FBXW10: variants seen among roughly 807,000 people sequenced by gnomAD.
FBXW10 encodes the protein F-box and WD repeat domain containing 10.
Under a neutral mutation model 113.1 loss-of-function variants are expected in FBXW10, and 68 were observed. The observed-to-expected ratio is 0.60, with a 90% CI of 0.49 to 0.74. The LOEUF (loss-of-function observed/expected upper bound fraction) is 0.74. Among genes scored for constraint, FBXW10 ranks in the 30% least tolerant of loss-of-function variants. FBXW10 has a pLI of 0.00. For missense variants in FBXW10, 753 were observed against 1,284.5 expected (o/e 0.59, Z 6.32); for synonymous variants, 289 against 481.6 (o/e 0.60, Z 5.24).
chr17:18,751,108 C>T (rs1280579245), intron 5 of FBXW10, 55 bp downstream of exon 5: 2 of 1,608,800 alleles, frequency 1.2e-6, no homozygotes, highest in Non-Finnish European at 1.7e-6. Context: ...TTCTAATTGT[C>T]ATTGAAGGCT....
At chr17:18,760,641 T>G (rs982482188) in intron 7 of FBXW10, among the ~76,000 whole-genome samples, 2 of 152,180 alleles carry the variant, frequency 1.3e-5, no homozygotes, top group African/African-American at 4.8e-5. Context: ...CCGTCTCTAC[T>G]AAAAATACAA....
intron 7 of FBXW10, among the ~76,000 whole-genome samples, chr17:18,759,241 A>G (rs916781063): frequency 1.3e-5 from 2 of 152,154 alleles, no homozygotes; most frequent in African/African-American, 4.8e-5. Context: ...AGGCCAAGAA[A>G]TAAGATACCA....
intron 7 of FBXW10, among the ~76,000 whole-genome samples, chr17:18,761,040 ACTACTATATAAC>A (rs1313190996): frequency 1.9e-4 from 29 of 152,218 alleles, no homozygotes; most frequent in Non-Finnish European, 3.2e-4. Flanking sequence ...CCCCACAGCA[ACTACTATATAAC>A]CTGCCACTTC....
intron 6 of FBXW10, among the ~76,000 whole-genome samples, chr17:18,756,805 A>C (rs1207802189): frequency 6.6e-6 from 1 of 152,198 alleles, no homozygotes; most frequent in Non-Finnish European, 1.5e-5. Flanking sequence ...TTCACTTTAT[A>C]TTCACAAGGT....
chr17:18,762,714 A>G (rs1384890120), intron 7 of FBXW10, among the ~76,000 whole-genome samples: 1 of 152,196 alleles, frequency 6.6e-6, no homozygotes, highest in Non-Finnish European at 1.5e-5. Context: ...CATGGCAGGC[A>G]GTAGCAGTGA....
At chr17:18,753,376 T>A (rs2035205396) in intron 5 of FBXW10, among the ~76,000 whole-genome samples, 1 of 151,938 alleles carries the variant, frequency 6.6e-6, no homozygotes, top group Non-Finnish European at 1.5e-5. Flanking sequence ...CCCTCCCAGA[T>A]AAGCACAACA....
intron 9 of FBXW10, among the ~76,000 whole-genome samples, chr17:18,768,025 T>TCC (rs879595052): frequency 0.087 from 9,468 of 109,402 alleles, 353 homozygotes; most frequent in African/African-American, 0.12. Flanking sequence ...CTTCCTTCCT[T>TCC]TCTTCCTTCC....
intron 8 of FBXW10, among the ~76,000 whole-genome samples, chr17:18,765,612 T>C (rs2035480686): frequency 6.6e-6 from 1 of 152,206 alleles, no homozygotes; most frequent in Admixed American, 6.5e-5. Context: ...CTGGTTGTTG[T>C]TATATTTTGT....
chr17:18,759,432 AATC>A (rs2035336037), intron 7 of FBXW10, among the ~76,000 whole-genome samples: 1 of 151,304 alleles, frequency 6.6e-6, no homozygotes, highest in South Asian at 2.1e-4. Context: ...ACATAAAAAG[AATC>A]ATATTTTAAA....
chr17:18,756,862 A>G (rs1349090255), intron 6 of FBXW10, among the ~76,000 whole-genome samples: 1 of 152,164 alleles, frequency 6.6e-6, no homozygotes, highest in Non-Finnish European at 1.5e-5. Context: ...AATCTTATTA[A>G]CAAATTGCAT....
intron 12 of FBXW10, 95 bp downstream of exon 12, chr17:18,772,778 T>G: frequency 8.7e-7 from 1 of 1,149,584 alleles, no homozygotes; most frequent in South Asian, 1.5e-5. Flanking sequence ...CTGGTTCGTT[T>G]GTGGAATATT....
chr17:18,755,460 C>G (rs1044525928), intron 5 of FBXW10, among the ~76,000 whole-genome samples: 1 of 151,770 alleles, frequency 6.6e-6, no homozygotes, highest in Non-Finnish European at 1.5e-5. Flanking sequence ...GAGGCTGAGG[C>G]AGGAGAATCA....
In FBXW10 at chr17:18,772,560, T is replaced by G. The variant is rs756931177; in HGVS notation, c.2155T>G (p.Cys719Gly). The stretch of plus-strand genomic sequence containing the variant: ...TAGTCTCATGGAAATTCTCTCTAAG[T>G]GTAATATTCAGGTTCACAGCCCAAG... ...ENSLMEILSK[C>G]NIQVHSPRES... is the part of the protein sequence containing the mutation. Residue 719 changes from cysteine (C) to glycine (G), a missense_variant, in exon 12 of 14, where the codon TGT (cysteine) becomes GGT (glycine). Transcript: ENST00000395665. 1 of 1,613,974 alleles carries G rather than the reference T, an allele frequency of 6.2e-7. No homozygotes were observed. Among genetic ancestry groups the G allele is most frequent in the Non-Finnish European group, 8.5e-7 (1 of 1,179,862 alleles).
Position 18,744,283 on chromosome 17 carries a change from T to A in FBXW10, c.39T>A (p.Tyr13Ter). The change falls in exon 1 of 14, where the codon TAT (tyrosine) becomes TAA (stop). Residue 13 changes from tyrosine (Y) to a stop codon, truncating the protein, a stop_gained. Transcript: ENST00000395665. LOFTEE classifies it high-confidence loss of function. The part of the protein sequence containing the change: ...NLESRLKNAP[Y>*]FRCEKGTDSI... ...AATCAAGGCTCAAGAATGCCCCCTA[T>A]TTTCGTTGTGAGAAGGGAACCGATT... 1 of 1,611,672 alleles carries A rather than the reference T, an allele frequency of 6.2e-7. No individual in the cohort carries two copies. Among genetic ancestry groups the A allele is most frequent in the East Asian group, 2.2e-5 (1 of 44,858 alleles).
rs12945049 is a variant in FBXW10, at chr17:18,770,796, A to T, written c.2006+711A>T. Among the ~76,000 whole-genome samples, 5 of 151,934 alleles carry T rather than the reference A, an allele frequency of 3.3e-5. No homozygotes were observed. The South Asian group carries it at 1.0e-3, about 31-fold the overall frequency. On this transcript the variant is annotated intron_variant, in intron 11 of 13. Coordinates refer to ENST00000395665, the MANE Select transcript of FBXW10 (RefSeq NM_001267585.2). The stretch of plus-strand genomic sequence containing the variant: ...GCAAAGAGACATTATAGGAGAGTGG[A>T]GGGTGGCAGCAGCAGGGGGTACAGT...
At chr17:18,761,268 CTTTT>C (rs71284781) in intron 7 of FBXW10, among the ~76,000 whole-genome samples, 1 of 140,712 alleles carries the variant, frequency 7.1e-6, no homozygotes. Flanking sequence ...TTTCACTTTT[CTTTT>C]TTTTTTTTTT....
intron 7 of FBXW10, among the ~76,000 whole-genome samples, chr17:18,761,917 T>TGA (rs2035392153): frequency 6.6e-6 from 1 of 152,232 alleles, no homozygotes; most frequent in Non-Finnish European, 1.5e-5. Flanking sequence ...CAAACTCTCT[T>TGA]ATTAGTTGTA....
chr17:18,766,697 C>G lies in FBXW10; in HGVS notation c.1556-17C>G, dbSNP rs12940441. 1.1e-4 allele frequency: 182 copies of G among 1,612,432 alleles called. 1 individual carries two copies. In the African/African-American group the frequency reaches 1.7e-3, roughly 15 times the overall value. On this transcript the variant is annotated splice_polypyrimidine_tract_variant and intron_variant, in intron 8 of 13. Transcript: ENST00000395665. ...TTTCCCCACTCCCATGTCTTCCTCT[C>G]TCTCCCTCCTGTTCAGTATGGGATG...
At chr17:18,753,930 A>G (rs1192589415) in intron 5 of FBXW10, among the ~76,000 whole-genome samples, 1 of 152,154 alleles carries the variant, frequency 6.6e-6, no homozygotes, top group Non-Finnish European at 1.5e-5. Flanking sequence ...AGCAGGTGAA[A>G]CAGTATGGAG....
Sources: gnomAD v4.1 joint callset for allele counts (sites outside exome capture counted in the v4.1 genomes callset) on GRCh38, gnomAD v4.1.1 for gene constraint, MANE v1.5 for transcripts, NCBI Gene and HGNC (gene_info 2026-07-23, HGNC 2026-07-21) for gene names.